SGCD: variants seen among roughly 807,000 people sequenced by gnomAD.
The protein encoded by SGCD is sarcoglycan delta, also known as delta-sarcoglycan.
Under a neutral mutation model 36.6 loss-of-function variants are expected in SGCD, and 18 were observed. The observed-to-expected ratio is 0.49, with a 90% CI of 0.34 to 0.73. The LOEUF is 0.73. Among genes scored for constraint, SGCD ranks in the 30% least tolerant of loss-of-function variants. SGCD has a pLI of 0.01. For synonymous variants in SGCD, 133 were observed against 130.6 expected, an observed-to-expected ratio of 1.02 and a Z score of -0.12; for missense variants, 387 against 346.7, an observed-to-expected ratio of 1.12 and a Z score of -0.92.
At chr5:156,514,142 AC>A (rs1757058226) in intron 4 of SGCD, among the ~76,000 whole-genome samples, 1 of 152,158 alleles carries the variant, frequency 6.6e-6, no homozygotes, top group South Asian at 2.1e-4. Flanking sequence ...TACTAAGGAA[AC>A]CTTTATTACT....
chr5:156,405,563 G>T (rs1022399756), intron 3 of SGCD, among the ~76,000 whole-genome samples: 1 of 152,142 alleles, frequency 6.6e-6, no homozygotes, highest in Non-Finnish European at 1.5e-5. Flanking sequence ...AGAAATCACA[G>T]ATTGAAAATA....
chr5:156,155,208 C>A (rs1279668874), intron 3 of SGCD, among the ~76,000 whole-genome samples: 2 of 151,526 alleles, frequency 1.3e-5, no homozygotes, highest in African/African-American at 4.9e-5. Context: ...ATCTATCTAT[C>A]TATCCGTCCA....
intron 7 of SGCD, among the ~76,000 whole-genome samples, chr5:156,735,102 C>T (rs1756282986): frequency 6.6e-6 from 1 of 152,182 alleles, no homozygotes; most frequent in African/African-American, 2.4e-5. Flanking sequence ...TCCCTAATCA[C>T]CTCAGATTTT....
intron 3 of SGCD, among the ~76,000 whole-genome samples, chr5:156,384,175 G>A (rs1028348980): frequency 9.2e-5 from 14 of 152,192 alleles, no homozygotes; most frequent in Non-Finnish European, 1.6e-4. Context: ...TGGATACTTC[G>A]CATTGCTGGA....
intron 1 of SGCD, among the ~76,000 whole-genome samples, chr5:156,014,237 T>C (rs1472186146): frequency 1.3e-5 from 2 of 152,154 alleles, no homozygotes; most frequent in African/African-American, 4.8e-5. Context: ...ACTTTGCTCA[T>C]TCAGTTTCCT....
intron 3 of SGCD, among the ~76,000 whole-genome samples, chr5:156,410,140 C>A (rs1772661632): frequency 6.6e-6 from 1 of 152,146 alleles, no homozygotes. Context: ...TGGAATCAAC[C>A]TAGGTGCCTA....
At chr5:156,642,939 C>T (rs1291701382) in intron 6 of SGCD, among the ~76,000 whole-genome samples, 3 of 151,888 alleles carry the variant, frequency 2.0e-5, no homozygotes, top group Non-Finnish European at 2.9e-5. Context: ...AAGTTTTATA[C>T]TTTCAAAGAC....
chr5:156,084,479 T>C (rs1341421979), intron 1 of SGCD, among the ~76,000 whole-genome samples: 1 of 152,220 alleles, frequency 6.6e-6, no homozygotes, highest in African/African-American at 2.4e-5. Flanking sequence ...GGCTAGATCC[T>C]GCTTAGCTCC....
intron 1 of SGCD, among the ~76,000 whole-genome samples, chr5:155,938,484 A>C (rs1481338504): frequency 2.0e-5 from 3 of 152,244 alleles, no homozygotes; most frequent in Non-Finnish European, 2.9e-5. Flanking sequence ...CTGGCGTTTC[A>C]TTAATCACCC....
At chr5:155,805,290 C>T in the SGCD span, among the ~76,000 whole-genome samples, 1 of 152,116 alleles carries the variant, frequency 6.6e-6, no homozygotes, top group East Asian at 1.9e-4. Context: ...AATAGAGTCT[C>T]AAGCAAATGT....
chr5:156,272,403 T>C lies in SGCD; in HGVS notation c.-43-57131T>C, dbSNP rs200742643. ...TTCCGTGGTGTATATATACCACATT[T>C]TCTTTATCCACCCATTGGTTGATGG... On this transcript the variant is annotated intron_variant, in intron 3 of 9. Coordinates refer to the SGCD transcript ENST00000517913. 2.6e-5 allele frequency among the ~76,000 whole-genome samples: 4 copies of C among 152,246 alleles called. No homozygotes were observed. The East Asian group carries it at 7.7e-4, about 29-fold the overall frequency.
At chr5:156,599,950 A>G (rs1210447184) in intron 6 of SGCD, among the ~76,000 whole-genome samples, 2 of 152,220 alleles carry the variant, frequency 1.3e-5, no homozygotes, top group African/African-American at 4.8e-5. Context: ...GTACTGAACT[A>G]CACAGTGTGT....
rs572030132 is a variant in SGCD, at chr5:156,052,851, A to G, written c.-281-65027A>G. 4.0e-4 allele frequency among the ~76,000 whole-genome samples: 58 copies of G among 146,688 alleles called. 4 individuals carry two copies. Among genetic ancestry groups the G allele is most frequent in the African/African-American group, 1.3e-3 (54 of 40,826 alleles). ...TTGGGCACAGGGATATTTGCCAGAC[A>G]AAGTCCAGACCCTTGCAGGCTCCCT... On this transcript the variant is annotated intron_variant, in intron 1 of 9. Coordinates refer to the SGCD transcript ENST00000517913.
At chr5:156,468,748 T>C (rs2127825261) in intron 3 of SGCD, among the ~76,000 whole-genome samples, 1 of 152,294 alleles carries the variant, frequency 6.6e-6, no homozygotes, top group East Asian at 1.9e-4. Flanking sequence ...TCCCAGCACT[T>C]TGGGAGGCCA....
At chr5:156,073,225 A>G (rs557909402) in intron 1 of SGCD, among the ~76,000 whole-genome samples, 19 of 152,270 alleles carry the variant, frequency 1.2e-4, no homozygotes, top group African/African-American at 4.1e-4. Context: ...TTAGGACAAA[A>G]TGGCTGTCTT....
rs369366572 is a variant in SGCD at position 156,042,354 on chromosome 5, G to A, written c.-281-75524G>A. On this transcript the variant is annotated intron_variant, in intron 1 of 9. Transcript: ENST00000517913. Reference sequence around the variant, plus strand: ...CAAACCACACAGCTAATAAATGACAGATGCAGGAATTTAACACAAATTGGG... The same window carrying A: ...CAAACCACACAGCTAATAAATGACAAATGCAGGAATTTAACACAAATTGGG... Among the ~76,000 whole-genome samples, 47 of 152,208 alleles carry A rather than the reference G, an allele frequency of 3.1e-4. No individual in the cohort carries two copies. The South Asian group carries it at 9.1e-3, about 30-fold the overall frequency.
the SGCD span, among the ~76,000 whole-genome samples, chr5:155,783,825 A>T: frequency 1.3e-5 from 2 of 152,140 alleles, no homozygotes; most frequent in South Asian, 4.2e-4. Flanking sequence ...TTTGAACACG[A>T]TATGTGGTAG....
Position 156,713,412 on chromosome 5 carries a change from G to A in SGCD, c.576-44169G>A, listed in dbSNP as rs921501366. ...AAGAATATGGACTTTGAACATGTCG[G>A]GGGGGGCGTTATAGGAGGGAGAGAG... On this transcript the variant is annotated intron_variant, in intron 7 of 8. Coordinates refer to ENST00000337851, the MANE Select transcript of SGCD (RefSeq NM_000337.6). Among the ~76,000 whole-genome samples the A allele has an allele frequency of 2.3e-3, 339 of 149,504 alleles. 2 individuals are homozygous for A. The highest frequency in any genetic ancestry group is 3.2e-3 in the Non-Finnish European group (215 of 67,522).
intron 3 of SGCD, among the ~76,000 whole-genome samples, chr5:156,382,480 C>T (rs1038646993): frequency 6.6e-6 from 1 of 152,080 alleles, no homozygotes; most frequent in Non-Finnish European, 1.5e-5. Context: ...ACTTGTAAAT[C>T]GAGGCTAAAT....
Sources: allele counts gnomAD v4.1 joint callset (sites outside exome capture counted in the v4.1 genomes callset), GRCh38; gene constraint gnomAD v4.1.1; transcripts MANE v1.5; gene names NCBI Gene and HGNC (gene_info 2026-07-23, HGNC 2026-07-21).